Variants in CHMP3 observed in about 807,000 individuals in gnomAD.
CHMP3 encodes the protein 25.1 protein.
CHMP3 carries 8 observed loss-of-function variants against 27.4 expected under a neutral mutation model. That is an observed-to-expected ratio of 0.29 (90% CI 0.17 to 0.53). The LOEUF is 0.53. Among genes scored for constraint, CHMP3 ranks in the 20% least tolerant of loss-of-function variants. The pLI is 0.96. For synonymous variants in CHMP3, 86 were observed against 85.5 expected, an observed-to-expected ratio of 1.01 and a Z score of -0.03; for missense variants, 208 against 271.5, an observed-to-expected ratio of 0.77 and a Z score of 1.64.
chr2:86,547,347 A>G (rs545358866), intron 1 of CHMP3, among the ~76,000 whole-genome samples: 14 of 152,378 alleles, frequency 9.2e-5, no homozygotes, highest in Admixed American at 2.0e-4. Context: ...CTTTCTATGT[A>G]TGTTTTTAAA....
intron 2 of CHMP3, among the ~76,000 whole-genome samples, chr2:86,532,560 T>G (rs1171288872): frequency 6.6e-6 from 1 of 152,202 alleles, no homozygotes; most frequent in Non-Finnish European, 1.5e-5. Flanking sequence ...ATTTTGATAG[T>G]CCCTGTGGTT....
In CHMP3 at chr2:86,529,256, T is replaced by C; in HGVS notation, c.248A>G (p.His83Arg). Residue 83 changes from histidine (H) to arginine (R), a missense_variant, in exon 3 of 6, where the codon CAC becomes CGC. Physicochemically the swap from His to Arg is conservative, Grantham distance 29 (BLOSUM62 0). Coordinates refer to ENST00000263856, the MANE Select transcript of CHMP3 (RefSeq NM_016079.4). ...AVSKLYASKA[H>R]MNSVLMGMKN... The stretch of plus-strand genomic sequence containing the variant: ...CATCCCCATGAGCACTGAGTTCATG[T>C]GTGCTTTGGATGCATACAGCTTGCT... The C allele has an allele frequency of 6.2e-7, 1 of 1,612,324 alleles. No individual in the cohort carries two copies. Among genetic ancestry groups the C allele is most frequent in the Non-Finnish European group, 8.5e-7 (1 of 1,179,316 alleles).
intron 1 of CHMP3, among the ~76,000 whole-genome samples, chr2:86,549,327 C>T (rs1676770278): frequency 6.8e-6 from 1 of 146,842 alleles, no homozygotes; most frequent in Admixed American, 6.7e-5. Context: ...TCTCACTTCC[C>T]AGATGATGGG....
At chr2:86,560,076 T>C (rs761856529) in intron 1 of CHMP3, among the ~76,000 whole-genome samples, 5 of 152,098 alleles carry the variant, frequency 3.3e-5, no homozygotes, top group South Asian at 2.1e-4. Context: ...CCATCCTGGC[T>C]AACACGGTGA....
intron 1 of CHMP3, among the ~76,000 whole-genome samples, chr2:86,546,398 G>C (rs997146558): frequency 6.6e-6 from 1 of 151,420 alleles, no homozygotes; most frequent in Non-Finnish European, 1.5e-5. Context: ...GGGAGTAGGA[G>C]AGCTTGATTT....
intron 2 of CHMP3, among the ~76,000 whole-genome samples, chr2:86,539,430 C>T (rs1462409960): frequency 6.6e-6 from 1 of 152,082 alleles, no homozygotes; most frequent in Non-Finnish European, 1.5e-5. Context: ...CTCCAAAATC[C>T]ATGATCTTTT....
Position 86,522,649 on chromosome 2 carries a change from C to G in CHMP3, c.286+6569G>C, listed in dbSNP as rs183172685. Among the ~76,000 whole-genome samples the G allele has an allele frequency of 1.2e-3, 176 of 152,292 alleles. 1 individual carries two copies. Among genetic ancestry groups the G allele is most frequent in the African/African-American group, 3.9e-3 (162 of 41,556 alleles). On this transcript the variant is annotated intron_variant, in intron 3 of 5. Transcript: ENST00000263856. ...TCTCAGCCTTGTTTATACCTTCACTCTGCACCTGTTCTTCTGTCTTCTACT... is the reference window on the plus strand; with the variant it reads ...TCTCAGCCTTGTTTATACCTTCACTGTGCACCTGTTCTTCTGTCTTCTACT...
chr2:86,534,778 GCTGT>G (rs1345161256), intron 2 of CHMP3, among the ~76,000 whole-genome samples: 1 of 152,002 alleles, frequency 6.6e-6, no homozygotes, highest in African/African-American at 2.4e-5. Context: ...AGCTGTCCCT[GCTGT>G]CTTTTATTTA....
chr2:86,555,048 A>C (rs1677066521), intron 1 of CHMP3, among the ~76,000 whole-genome samples: 1 of 151,930 alleles, frequency 6.6e-6, no homozygotes, highest in Non-Finnish European at 1.5e-5. Context: ...GGGTTTCACT[A>C]TGTTGGCCAG....
intron 3 of CHMP3, among the ~76,000 whole-genome samples, chr2:86,522,224 T>C (rs189378228): frequency 1.3e-4 from 20 of 152,336 alleles, no homozygotes; most frequent in Admixed American, 6.5e-4. Flanking sequence ...GGCTTTTCAA[T>C]GCAGCAACAG....
At chr2:86,515,483 A>G (rs982064900) in intron 3 of CHMP3, among the ~76,000 whole-genome samples, 1 of 152,012 alleles carries the variant, frequency 6.6e-6, no homozygotes, top group Admixed American at 6.6e-5. Flanking sequence ...CCACCATGCC[A>G]GCTAATTTTG....
chr2:86,510,545 T>C lies in CHMP3; in HGVS notation c.287-66A>G. On this transcript the variant is annotated intron_variant, in intron 3 of 5. Coordinates refer to ENST00000263856, the MANE Select transcript of CHMP3 (RefSeq NM_016079.4). Reference sequence around the variant, plus strand: ...GGAATAGAGAGAGACAGCCAAATTATGAGCCATTCCAATAAATGACAGCAG... The same window carrying C: ...GGAATAGAGAGAGACAGCCAAATTACGAGCCATTCCAATAAATGACAGCAG... 4 of 1,578,890 alleles carry C rather than the reference T, an allele frequency of 2.5e-6. No homozygotes were observed. The Admixed American group carries it at 7.0e-5, about 28-fold the overall frequency.
chr2:86,534,448 G>A (rs573262045), intron 2 of CHMP3, among the ~76,000 whole-genome samples: 4 of 151,914 alleles, frequency 2.6e-5, no homozygotes, highest in East Asian at 1.9e-4. Flanking sequence ...CAACTGCCTC[G>A]GCCTCCCAAA....
At chr2:86,526,717 T>C (rs1041501730) in intron 3 of CHMP3, among the ~76,000 whole-genome samples, 1 of 152,002 alleles carries the variant, frequency 6.6e-6, no homozygotes, top group African/African-American at 2.4e-5. Context: ...GATAATTTTA[T>C]TGTGGTTGCT....
In CHMP3 at chr2:86,507,470, C is replaced by T. The variant is rs373693124; in HGVS notation, c.523+9G>A. The T allele has an allele frequency of 3.6e-5, 58 of 1,610,242 alleles. No individual in the cohort carries two copies. The highest frequency in any genetic ancestry group is 1.1e-4 in the South Asian group (10 of 91,010). ...AAGAGAGGAGAAAGGATGGATCTCA[C>T]GGTCATACCTGCTGTAATTTCAAAG... is the stretch of plus-strand genomic sequence containing the variant. On this transcript the variant is annotated intron_variant, in intron 5 of 5. Transcript: ENST00000263856.
chr2:86,529,773 G>A (rs1675841904), intron 2 of CHMP3, among the ~76,000 whole-genome samples: 1 of 152,020 alleles, frequency 6.6e-6, no homozygotes, highest in Non-Finnish European at 1.5e-5. Flanking sequence ...TGCAACTTAA[G>A]GAAAGCCTGA....
In CHMP3 at chr2:86,515,040, C is replaced by T. The variant is rs1348084353; in HGVS notation, c.287-4561G>A. Among the ~76,000 whole-genome samples, 8 of 152,262 alleles carry T rather than the reference C, an allele frequency of 5.3e-5. No homozygotes were observed. The South Asian group carries it at 1.7e-3, about 32-fold the overall frequency. On this transcript the variant is annotated intron_variant, in intron 3 of 5. Transcript: ENST00000263856. ...CTGGGCAGCATTTCATTGGTCACAG[C>T]TCTTTTTGCTGAAATCCTTCCCCAC...
chr2:86,521,114 T>C (rs4832295), intron 3 of CHMP3, among the ~76,000 whole-genome samples: 121,920 of 152,062 alleles, frequency 0.8, 49,314 homozygotes, highest in East Asian at 0.95. Flanking sequence ...TCCACCCCTG[T>C]CCGCAAAACA....
intron 4 of CHMP3, among the ~76,000 whole-genome samples, chr2:86,508,233 G>A (rs897475228): frequency 2.0e-5 from 3 of 152,168 alleles, no homozygotes; most frequent in Non-Finnish European, 4.4e-5. Context: ...CCTGTGCCTG[G>A]CAGCCTGCAG....
Sources: allele counts gnomAD v4.1 joint callset (sites outside exome capture counted in the v4.1 genomes callset), GRCh38; gene constraint gnomAD v4.1.1; transcripts MANE v1.5; gene names NCBI Gene and HGNC (gene_info 2026-07-23, HGNC 2026-07-21).